Variants in RALYL observed in about 807,000 individuals in gnomAD.
RALYL encodes RNA-binding Raly-like protein.
RALYL carries 29 observed loss-of-function variants against 35.1 expected under a neutral mutation model. That is an observed-to-expected ratio of 0.83 (90% confidence interval 0.61 to 1.13). The LOEUF is 1.13. Ranked by LOEUF, RALYL falls within the 50% of genes most tolerant of loss-of-function variation. The probability of loss-of-function intolerance (pLI) is 0.00; values close to 1 mark genes in which losing one functional copy is unlikely to be tolerated. For missense variants in RALYL, 359 were observed against 360.4 expected, an observed-to-expected ratio of 1.00 and a Z score of 0.03; for synonymous variants, 120 against 127.6, an observed-to-expected ratio of 0.94 and a Z score of 0.40.
intron 1 of RALYL, among the ~76,000 whole-genome samples, chr8:84,186,382 A>T (rs1586006659): frequency 6.6e-6 from 1 of 152,196 alleles, no homozygotes; most frequent in Non-Finnish European, 1.5e-5. Context: ...AATTATAACA[A>T]TGTATGTACA....
chr8:84,592,422 A>C (rs1813504544), intron 2 of RALYL, among the ~76,000 whole-genome samples: 1 of 152,132 alleles, frequency 6.6e-6, no homozygotes, highest in Non-Finnish European at 1.5e-5. Flanking sequence ...GTCTTTTGAA[A>C]GGCAAGACTT....
chr8:84,461,665 ATG>A, intron 1 of RALYL, among the ~76,000 whole-genome samples: 1 of 151,896 alleles, frequency 6.6e-6, no homozygotes, highest in East Asian at 1.9e-4. Context: ...TCAAAAAAGA[ATG>A]TTATACTTCT....
At chr8:84,663,045 C>A (rs1167468290) in intron 2 of RALYL, among the ~76,000 whole-genome samples, 4 of 152,066 alleles carry the variant, frequency 2.6e-5, no homozygotes, top group African/African-American at 9.7e-5. Context: ...CATGTGTTTT[C>A]ATTGTACAGC....
intron 4 of RALYL, among the ~76,000 whole-genome samples, chr8:84,845,344 T>A (rs1487652349): frequency 6.6e-6 from 1 of 152,062 alleles, no homozygotes; most frequent in East Asian, 1.9e-4. Context: ...ATCCTCTACA[T>A]CTGTTGTTTT....
At chr8:84,445,785 A>G (rs1004072183) in intron 1 of RALYL, among the ~76,000 whole-genome samples, 4 of 151,480 alleles carry the variant, frequency 2.6e-5, no homozygotes, top group African/African-American at 9.7e-5. Context: ...CAATGATTCT[A>G]TATTTCTTTT....
At chr8:84,908,137 T>C (rs1252304870) in intron 8 of RALYL, among the ~76,000 whole-genome samples, 1 of 152,188 alleles carries the variant, frequency 6.6e-6, no homozygotes, top group Admixed American at 6.6e-5. Context: ...ATAGTGTATG[T>C]ACACATATGT....
chr8:84,906,846 G>A (rs2135627138), intron 8 of RALYL: 1 of 523,196 alleles, frequency 1.9e-6, no homozygotes, highest in Non-Finnish European at 2.5e-6. Flanking sequence ...CCCTCATTAA[G>A]TCTCTCACCG....
At chr8:84,625,449 G>A (rs1377535040) in intron 2 of RALYL, among the ~76,000 whole-genome samples, 2 of 152,148 alleles carry the variant, frequency 1.3e-5, no homozygotes, top group East Asian at 3.9e-4. Flanking sequence ...AAAACACTGT[G>A]AAGCACCAAA....
chr8:84,719,743 A>T (rs569763302), intron 2 of RALYL, among the ~76,000 whole-genome samples: 1 of 152,136 alleles, frequency 6.6e-6, no homozygotes, highest in African/African-American at 2.4e-5. Context: ...TAATTATCAC[A>T]TCAGGGTATT....
intron 2 of RALYL, among the ~76,000 whole-genome samples, chr8:84,552,336 G>GTTTA (rs1564131734): frequency 1.8e-4 from 15 of 84,118 alleles, no homozygotes; most frequent in African/African-American, 8.6e-4. Flanking sequence ...TAGGATGTGT[G>GTTTA]TGTATATATA....
At chr8:84,392,283 G>A (rs1224994071) in intron 1 of RALYL, among the ~76,000 whole-genome samples, 2 of 151,986 alleles carry the variant, frequency 1.3e-5, no homozygotes, top group Non-Finnish European at 2.9e-5. Flanking sequence ...GACCTTTAAG[G>A]AGTTTTAGAA....
intron 8 of RALYL, among the ~76,000 whole-genome samples, chr8:84,893,049 T>A (rs1433743176): frequency 6.6e-6 from 1 of 152,050 alleles, no homozygotes; most frequent in African/African-American, 2.4e-5. Context: ...AGACAAAAAA[T>A]ACAATGCAGC....
intron 1 of RALYL, among the ~76,000 whole-genome samples, chr8:84,442,172 T>A (rs1179280591): frequency 6.6e-6 from 1 of 152,084 alleles, no homozygotes; most frequent in Non-Finnish European, 1.5e-5. Context: ...CTTTTCTATC[T>A]CCTCTAAAAT....
At chr8:84,267,754 T>A (rs1387187026) in intron 1 of RALYL, among the ~76,000 whole-genome samples, 2 of 152,218 alleles carry the variant, frequency 1.3e-5, no homozygotes, top group Non-Finnish European at 1.5e-5. Context: ...CTGGATCCAA[T>A]ACCTTATAAA....
intron 1 of RALYL, among the ~76,000 whole-genome samples, chr8:84,443,779 T>G (rs1461286407): frequency 6.6e-6 from 1 of 152,098 alleles, no homozygotes; most frequent in African/African-American, 2.4e-5. Flanking sequence ...TAGCTTTAAA[T>G]TTTCCACTTC....
chr8:84,728,593 T>C (rs1333275834), intron 2 of RALYL, among the ~76,000 whole-genome samples: 3 of 152,038 alleles, frequency 2.0e-5, no homozygotes, highest in Non-Finnish European at 4.4e-5. Flanking sequence ...TCTTCTAGGG[T>C]TTTTATGGTT....
At chr8:84,621,814 T>G (rs551886194) in intron 2 of RALYL, among the ~76,000 whole-genome samples, 1 of 152,318 alleles carries the variant, frequency 6.6e-6, no homozygotes, top group East Asian at 1.9e-4. Context: ...AAGGGCATGA[T>G]TCTTATGAAT....
At chr8:84,587,242 C>CT (rs562121930) in intron 2 of RALYL, among the ~76,000 whole-genome samples, 203 of 152,182 alleles carry the variant, frequency 1.3e-3, no homozygotes, top group African/African-American at 4.4e-3. Flanking sequence ...AGGTTGAAAG[C>CT]TTTTTTGAGG....
chr8:84,194,353 T>TG (rs2130911351), intron 1 of RALYL, among the ~76,000 whole-genome samples: 1 of 152,264 alleles, frequency 6.6e-6, no homozygotes, highest in East Asian at 1.9e-4. Flanking sequence ...CAGATTTTTT[T>TG]TTTTCATTTG....
Sources: allele counts gnomAD v4.1 joint callset (sites outside exome capture counted in the v4.1 genomes callset), GRCh38; gene constraint gnomAD v4.1.1; transcripts MANE v1.5; gene names NCBI Gene and HGNC (gene_info 2026-07-23, HGNC 2026-07-21).